Variants in OSBP2 observed in about 807,000 individuals in gnomAD.
OSBP2 encodes the protein oxysterol-binding protein 2.
A neutral mutation model predicts 96.0 loss-of-function variants in OSBP2; 66 were observed. That is an observed-to-expected ratio of 0.69 (90% CI 0.56 to 0.84). OSBP2 has a LOEUF of 0.84. Ranked by LOEUF, OSBP2 falls within the 40% of genes least tolerant of loss-of-function variation. The probability of loss-of-function intolerance (pLI) is 0.00; values close to 1 mark genes in which losing one functional copy is unlikely to be tolerated. For synonymous variants in OSBP2, 525 were observed against 520.9 expected (o/e 1.01, Z -0.11); for missense variants, 1,038 against 1,222.7 (o/e 0.85, Z 2.25).
At chr22:30,855,765 TCCAGG>T (rs921659612) in intron 2 of OSBP2, among the ~76,000 whole-genome samples, 2 of 152,168 alleles carry the variant, frequency 1.3e-5, no homozygotes, top group Admixed American at 1.3e-4. Flanking sequence ...AGGAGCCCCA[TCCAGG>T]CCATTATTGA....
intron 2 of OSBP2, among the ~76,000 whole-genome samples, chr22:30,867,054 T>C (rs570125163): frequency 6.6e-6 from 1 of 152,166 alleles, no homozygotes; most frequent in South Asian, 2.1e-4. Flanking sequence ...TGAGGGGTGG[T>C]GTGTGTGTGG....
chr22:30,801,612 A>G (rs1365202102), intron 2 of OSBP2, among the ~76,000 whole-genome samples: 3 of 152,202 alleles, frequency 2.0e-5, no homozygotes, highest in African/African-American at 7.2e-5. Context: ...AGCTCACCAA[A>G]TGGTAAAAAT....
chr22:30,706,133 T>C (rs2089249845), intron 1 of OSBP2, among the ~76,000 whole-genome samples: 4 of 151,988 alleles, frequency 2.6e-5, no homozygotes. Context: ...AGAGAGGAGA[T>C]GGTAAGAAAC....
At chr22:30,800,915 T>C (rs1347732239) in intron 2 of OSBP2, among the ~76,000 whole-genome samples, 1 of 152,212 alleles carries the variant, frequency 6.6e-6, no homozygotes, top group African/African-American at 2.4e-5. Context: ...TGTGTGTCTG[T>C]CTGTCTCTGT....
chr22:30,828,251 T>A (rs2038445623), intron 2 of OSBP2, among the ~76,000 whole-genome samples: 1 of 152,214 alleles, frequency 6.6e-6, no homozygotes, highest in Non-Finnish European at 1.5e-5. Context: ...ATTTGTCTTT[T>A]CCGTTAGGCA....
intron 8 of OSBP2, among the ~76,000 whole-genome samples, chr22:30,891,727 G>C (rs2039952809): frequency 1.3e-5 from 2 of 152,122 alleles, no homozygotes; most frequent in Admixed American, 1.3e-4. Context: ...TGGATACGGG[G>C]GTGGGGGGCA....
At chr22:30,878,776 A>G (rs887982743) in intron 3 of OSBP2, among the ~76,000 whole-genome samples, 18 of 152,134 alleles carry the variant, frequency 1.2e-4, no homozygotes, top group African/African-American at 4.3e-4. Context: ...GCTGGGCAGT[A>G]TGGGGTGCCT....
chr22:30,876,585 A>T (rs2039584965), intron 3 of OSBP2, among the ~76,000 whole-genome samples: 1 of 152,146 alleles, frequency 6.6e-6, no homozygotes, highest in Admixed American at 6.5e-5. Context: ...CCCACAGGCC[A>T]CCTGTCCCTG....
chr22:30,816,211 G>A (rs2091081854), intron 2 of OSBP2, among the ~76,000 whole-genome samples: 1 of 152,120 alleles, frequency 6.6e-6, no homozygotes, highest in African/African-American at 2.4e-5. Context: ...ACCAACAAAG[G>A]AGGAACATTC....
chr22:30,901,225 C>T (rs756259035), intron 12 of OSBP2, among the ~76,000 whole-genome samples: 46 of 152,046 alleles, frequency 3.0e-4, no homozygotes, highest in Admixed American at 5.2e-4. Context: ...TGCGCCACCA[C>T]GCCCGACTAA....
At chr22:30,704,058 G>A (rs180735653) in intron 1 of OSBP2, among the ~76,000 whole-genome samples, 2 of 152,242 alleles carry the variant, frequency 1.3e-5, no homozygotes, top group African/African-American at 2.4e-5. Context: ...CTCAGCCCAC[G>A]CAAAGGTGTC....
intron 1 of OSBP2, among the ~76,000 whole-genome samples, chr22:30,697,040 G>A (rs570670274): frequency 3.3e-5 from 5 of 152,194 alleles, no homozygotes; most frequent in Admixed American, 1.3e-4. Context: ...CCCAGTAGAC[G>A]GTAGAGAGGG....
rs1247432653 is a variant in OSBP2 at position 30,887,414 on chromosome 22, CT to C, written c.1108-11del. On this transcript the variant is annotated splice_polypyrimidine_tract_variant and intron_variant, in intron 3 of 13. Coordinates refer to ENST00000332585, the MANE Select transcript of OSBP2 (RefSeq NM_030758.4). ...AGGCCAGGGTCTCATACCGCCACTC[CT>C]CCCTCCCCAGGCCTGCAGGGACTTC... is the stretch of plus-strand genomic sequence containing the variant. 1 of 1,607,190 alleles carries C rather than the reference CT, an allele frequency of 6.2e-7. No homozygotes were observed. Among genetic ancestry groups the C allele is most frequent in the Non-Finnish European group, 8.5e-7 (1 of 1,175,206 alleles).
intron 1 of OSBP2, among the ~76,000 whole-genome samples, chr22:30,717,132 G>T (rs1431080497): frequency 1.4e-5 from 2 of 139,634 alleles, no homozygotes; most frequent in African/African-American, 2.7e-5. Flanking sequence ...GTGTGTGTGT[G>T]TAGAGACAGG....
chr22:30,757,542 C>G (rs1488565588), intron 2 of OSBP2, among the ~76,000 whole-genome samples: 1 of 151,996 alleles, frequency 6.6e-6, no homozygotes, highest in Non-Finnish European at 1.5e-5. Flanking sequence ...CTCAGTCTCC[C>G]GAGTAGCTGG....
chr22:30,777,989 G>A (rs1015623342), intron 2 of OSBP2, among the ~76,000 whole-genome samples: 1 of 151,792 alleles, frequency 6.6e-6, no homozygotes, highest in Non-Finnish European at 1.5e-5. Context: ...CATTAAAGGA[G>A]CTTATTTTAT....
rs577329002 is a variant in OSBP2, at chr22:30,868,461, C to T, written c.854-1968C>T. 3.9e-5 allele frequency among the ~76,000 whole-genome samples: 6 copies of T among 152,368 alleles called. No individual in the cohort carries two copies. The South Asian group carries it at 8.3e-4, about 21-fold the overall frequency. On this transcript the variant is annotated intron_variant, in intron 2 of 13. Transcript: ENST00000332585. ...GCAGTTGGGCTTCTGAGTGCAGACACGCTGTGGCCTCTCAATGGCCTTGCC... is the reference window on the plus strand; with the variant it reads ...GCAGTTGGGCTTCTGAGTGCAGACATGCTGTGGCCTCTCAATGGCCTTGCC...
At chr22:30,846,700 T>G (rs1056565242) in intron 2 of OSBP2, among the ~76,000 whole-genome samples, 1 of 152,196 alleles carries the variant, frequency 6.6e-6, no homozygotes, top group Non-Finnish European at 1.5e-5. Context: ...TCTGTGTATC[T>G]ACTTTGGAGA....
intron 2 of OSBP2, among the ~76,000 whole-genome samples, chr22:30,774,879 A>G (rs1164155160): frequency 6.6e-6 from 1 of 152,236 alleles, no homozygotes; most frequent in East Asian, 1.9e-4. Context: ...ATGTGAGATG[A>G]TAGCATCACT....
Sources: allele counts gnomAD v4.1 joint callset (sites outside exome capture counted in the v4.1 genomes callset), GRCh38; gene constraint gnomAD v4.1.1; transcripts MANE v1.5; gene names NCBI Gene and HGNC (gene_info 2026-07-23, HGNC 2026-07-21).